The following TRANK1 variants were observed in gnomAD, a reference collection of about 807,000 sequenced individuals.
TRANK1 encodes the protein tetratricopeptide repeat and ankyrin repeat containing 1.
Under a neutral mutation model 266.0 loss-of-function variants are expected in TRANK1, and 198 were observed. The observed-to-expected ratio is 0.74, with a 90% CI of 0.66 to 0.84. The LOEUF is 0.84. Among genes scored for constraint, TRANK1 ranks in the 40% least tolerant of loss-of-function variants. The pLI is 0.00. For synonymous variants in TRANK1, 1,396 were observed against 1,384.1 expected (o/e 1.01, Z -0.19); for missense variants, 3,326 against 3,634.6 (o/e 0.92, Z 2.18).
chr3:36,910,043 T>C (rs1451232697), intron 1 of TRANK1, among the ~76,000 whole-genome samples: 1 of 152,220 alleles, frequency 6.6e-6, no homozygotes, highest in African/African-American at 2.4e-5. Context: ...TTGCAATAAC[T>C]GACAAAGAGT....
intron 8 of TRANK1, among the ~76,000 whole-genome samples, chr3:36,879,953 T>TAA (rs1232143541): frequency 9.8e-5 from 1 of 10,154 alleles, no homozygotes; most frequent in Admixed American, 1.3e-3. Flanking sequence ...CATGCAAATA[T>TAA]ATGTAAACAT....
chr3:36,879,702 A>AT (rs2079457467), intron 8 of TRANK1, among the ~76,000 whole-genome samples: 1 of 64,918 alleles, frequency 1.5e-5, no homozygotes, highest in African/African-American at 8.4e-5. Flanking sequence ...ATATAAATAT[A>AT]AATATAAATA....
chr3:36,856,789 T>A lies in TRANK1; in HGVS notation c.2933A>T (p.Asn978Ile), dbSNP rs750564703. The change falls in exon 13 of 24, where the codon AAT (asparagine) becomes ATT (isoleucine). Residue 978 changes from asparagine to isoleucine, a missense_variant. Physicochemically the swap from Asn to Ile is moderately radical, Grantham distance 149. Transcript: ENST00000645898. ...CVLRKKLKGI[N>I]KGQVSANMKI... ...CATGTTAGCTGACACTTGGCCTTTA[T>A]TGATACCTTTCAGCTTCTTCCGCAG... 1 of 1,614,054 alleles carries A rather than the reference T, an allele frequency of 6.2e-7. No homozygotes were observed. The highest frequency in any genetic ancestry group is 8.5e-7 in the Non-Finnish European group (1 of 1,179,890).
At chr3:36,895,167 C>G (rs2079770003) in intron 5 of TRANK1, among the ~76,000 whole-genome samples, 1 of 152,222 alleles carries the variant, frequency 6.6e-6, no homozygotes, top group South Asian at 2.1e-4. Flanking sequence ...CAGACCTCCA[C>G]AGTCCACTCA....
intron 10 of TRANK1, among the ~76,000 whole-genome samples, chr3:36,862,678 T>C (rs1430944693): frequency 6.6e-6 from 1 of 152,196 alleles, no homozygotes; most frequent in Non-Finnish European, 1.5e-5. Flanking sequence ...CTAGGACATT[T>C]GTTCGAACCA....
rs1441828116 is a variant in TRANK1 at position 36,874,211 on chromosome 3, G to A, written c.993C>T (p.Val331=). ...LDRQSRSVVD[V]LKRNKNFKAI... is the part of the protein sequence containing the mutation. ...CTTTGAAGTTCTTATTCCTCTTCAG[G>A]ACATCCACAACAGACCGAGACTGTC... Residue 331 remains valine (V), a synonymous_variant, in exon 9 of 24, where the codon GTC becomes GTT. Transcript: ENST00000645898. 1 of 1,537,146 alleles carries A rather than the reference G, an allele frequency of 6.5e-7. No individual in the cohort carries two copies. Among genetic ancestry groups the A allele is most frequent in the Admixed American group, 2.0e-5 (1 of 50,984 alleles).
chr3:36,879,942 A>G (rs2079490131), intron 8 of TRANK1, among the ~76,000 whole-genome samples: 1 of 14,016 alleles, frequency 7.1e-5, no homozygotes, highest in Non-Finnish European at 1.2e-4. Flanking sequence ...ATATATGTAA[A>G]CATGCAAATA....
intron 1 of TRANK1, among the ~76,000 whole-genome samples, chr3:36,940,946 G>C (rs750594783): frequency 1.3e-5 from 2 of 152,180 alleles, no homozygotes; most frequent in Non-Finnish European, 2.9e-5. Flanking sequence ...GTCCCTAGAA[G>C]TCATCAGTGA....
Position 36,839,666 on chromosome 3 carries a change from C to A in TRANK1, c.5281-950G>T, listed in dbSNP as rs906788075. 5.3e-5 allele frequency among the ~76,000 whole-genome samples: 8 copies of A among 152,294 alleles called. No homozygotes were observed. In the East Asian group the frequency reaches 1.5e-3, roughly 29 times the overall value. ...GCTATGTTCCTCAAAGAAGGGTTCCCACGCCTCTATTTCCAGGACAGTTGG... is the reference window on the plus strand; with the variant it reads ...GCTATGTTCCTCAAAGAAGGGTTCCAACGCCTCTATTTCCAGGACAGTTGG... On this transcript the variant is annotated intron_variant, in intron 18 of 23. Coordinates refer to ENST00000645898, the MANE Select transcript of TRANK1 (RefSeq NM_001329998.2).
At chr3:36,911,840 A>G (rs564150610) in intron 1 of TRANK1, among the ~76,000 whole-genome samples, 8 of 152,362 alleles carry the variant, frequency 5.3e-5, no homozygotes, top group African/African-American at 1.7e-4. Flanking sequence ...TTCATAGCTA[A>G]TATCTGCTAA....
At chr3:36,928,695 AT>A (rs2080322006) in intron 1 of TRANK1, among the ~76,000 whole-genome samples, 1 of 152,224 alleles carries the variant, frequency 6.6e-6, no homozygotes, top group Non-Finnish European at 1.5e-5. Context: ...AAAAGTATAC[AT>A]GTAATTCTCA....
chr3:36,833,771 C>T lies in TRANK1; in HGVS notation c.5812G>A (p.Asp1938Asn). 6.2e-7 allele frequency: 1 copy of T among 1,614,022 alleles called. No individual in the cohort carries two copies. Among genetic ancestry groups the T allele is most frequent in the Non-Finnish European group, 8.5e-7 (1 of 1,179,900 alleles). The change falls in exon 22 of 24, where the codon GAC becomes AAC. Residue 1938 changes from aspartate (D) to asparagine (N), a missense_variant. Coordinates refer to ENST00000645898, the MANE Select transcript of TRANK1 (RefSeq NM_001329998.2). ...MAVLSKLDIE[D>N]QLVFLKSRKR... ...CGAGACTTCAAGAACACCAGCTGGT[C>T]TTCTATGTCTAGCTTTGAGAGGACA...
chr3:36,834,931 T>G (rs1232638696), intron 20 of TRANK1, 24 bp from the exon 21 acceptor site: 1 of 1,582,342 alleles, frequency 6.3e-7, no homozygotes, highest in African/African-American at 1.4e-5. Flanking sequence ...AATTTTACTT[T>G]TATTTAGAGT....
intron 22 of TRANK1, 109 bp downstream of exon 22, chr3:36,830,764 G>A (rs2078681549): frequency 7.9e-6 from 10 of 1,258,574 alleles, no homozygotes; most frequent in Admixed American, 2.9e-5. Context: ...CTAAGGCCAA[G>A]ATTCCACCAT....
chr3:36,871,935 A>G (rs1412893664), intron 9 of TRANK1, among the ~76,000 whole-genome samples: 4 of 152,230 alleles, frequency 2.6e-5, no homozygotes, highest in Admixed American at 2.0e-4. Flanking sequence ...TTTGCTGCCC[A>G]CTTGCACATT....
At chr3:36,868,731 T>C (rs879884430) in intron 9 of TRANK1, among the ~76,000 whole-genome samples, 9 of 152,252 alleles carry the variant, frequency 5.9e-5, no homozygotes, top group Non-Finnish European at 1.3e-4. Flanking sequence ...TTTCTAAGTA[T>C]ATAAAAAGAT....
At chr3:36,932,463 T>C (rs2080372972) in intron 1 of TRANK1, among the ~76,000 whole-genome samples, 1 of 152,032 alleles carries the variant, frequency 6.6e-6, no homozygotes, top group Non-Finnish European at 1.5e-5. Context: ...CTCGGGAGCC[T>C]AAGGCAGGAG....
At chr3:36,872,006 C>T (rs889955286) in intron 9 of TRANK1, among the ~76,000 whole-genome samples, 3 of 152,188 alleles carry the variant, frequency 2.0e-5, no homozygotes, top group African/African-American at 7.2e-5. Context: ...AAATGCTTAC[C>T]AACTATTAAG....
intron 8 of TRANK1, among the ~76,000 whole-genome samples, chr3:36,882,524 T>TA (rs1003455594): frequency 2.0e-5 from 3 of 152,172 alleles, no homozygotes; most frequent in Non-Finnish European, 2.9e-5. Flanking sequence ...AATCTAAATG[T>TA]AAAAAAATGA....
Sources: gnomAD v4.1 joint callset for allele counts (sites outside exome capture counted in the v4.1 genomes callset) on GRCh38, gnomAD v4.1.1 for gene constraint, MANE v1.5 for transcripts, NCBI Gene and HGNC (gene_info 2026-07-23, HGNC 2026-07-21) for gene names.